PUM1: variants seen among roughly 807,000 people sequenced by gnomAD.
PUM1 encodes pumilio homolog 1.
PUM1 carries 13 observed loss-of-function variants against 131.8 expected under a neutral mutation model. The observed-to-expected ratio is 0.10, with a 90% CI of 0.06 to 0.16. The LOEUF (loss-of-function observed/expected upper bound fraction) is 0.16, where lower values mean the gene tolerates loss of function less well. Ranked by LOEUF, PUM1 falls within the 10% of genes least tolerant of loss-of-function variation. The pLI is 1.00. For missense variants in PUM1, 961 were observed against 1,512.4 expected, an observed-to-expected ratio of 0.64 and a Z score of 6.05; for synonymous variants, 509 against 556.5, an observed-to-expected ratio of 0.91 and a Z score of 1.20.
intron 7 of PUM1, among the ~76,000 whole-genome samples, chr1:30,988,017 A>G (rs1557572135): frequency 6.6e-6 from 1 of 152,210 alleles, no homozygotes; most frequent in Admixed American, 6.5e-5. Context: ...TATATAATTA[A>G]CTTTGTTTTT....
rs193010695 is a variant in PUM1 at position 30,994,686 on chromosome 1, T to C, written c.887+368A>G. On this transcript the variant is annotated intron_variant, in intron 6 of 21. Coordinates refer to ENST00000426105, the MANE Select transcript of PUM1 (RefSeq NM_001020658.2). Reference sequence around the variant, plus strand: ...ACCAGAGGGATATGACATATTCCATTAGTAACCATAGCTCTCTAATACGGT... The same window carrying C: ...ACCAGAGGGATATGACATATTCCATCAGTAACCATAGCTCTCTAATACGGT... Among the ~76,000 whole-genome samples the C allele has an allele frequency of 1.4e-3, 218 of 152,348 alleles. 2 individuals carry two copies. The highest frequency in any genetic ancestry group is 4.9e-3 in the African/African-American group (205 of 41,574).
chr1:30,984,113 T>G (rs1641459317), intron 7 of PUM1, among the ~76,000 whole-genome samples: 1 of 152,202 alleles, frequency 6.6e-6, no homozygotes, highest in Admixed American at 6.5e-5. Flanking sequence ...AGAGACCCCA[T>G]ATAGCCTATG....
At chr1:30,959,436 A>G (rs59795278) in intron 14 of PUM1, among the ~76,000 whole-genome samples, 1 of 152,228 alleles carries the variant, frequency 6.6e-6, no homozygotes, top group Non-Finnish European at 1.5e-5. Context: ...AGTTGGATTA[A>G]TATCTGAAAA....
chr1:30,968,023 C>T (rs957851233), intron 11 of PUM1: 5 of 338,412 alleles, frequency 1.5e-5, no homozygotes, highest in Non-Finnish European at 2.9e-5. Context: ...TCAAAAACAT[C>T]AACATAAAGA....
intron 3 of PUM1, among the ~76,000 whole-genome samples, chr1:31,020,069 T>C (rs1385067872): frequency 6.6e-6 from 1 of 152,182 alleles, no homozygotes; most frequent in Admixed American, 6.5e-5. Flanking sequence ...CCTCCTTCCC[T>C]TTCCCTTTTT....
At chr1:31,059,175 C>A in intron 2 of PUM1, 29 bp downstream of exon 2, 2 of 1,528,388 alleles carry the variant, frequency 1.3e-6, no homozygotes, top group South Asian at 2.6e-5. Flanking sequence ...AAAGGAATGT[C>A]AAAGCTAAAA....
chr1:31,038,984 A>ATATATATATATATATATATTTTT, intron 2 of PUM1, among the ~76,000 whole-genome samples: 6 of 49,418 alleles, frequency 1.2e-4, no homozygotes, highest in African/African-American at 4.2e-4. Flanking sequence ...ATATATATAT[A>ATATATATATATATATATATTTTT]TTTTTTTTTT....
chr1:31,019,172 G>A (rs2124530797), intron 3 of PUM1, among the ~76,000 whole-genome samples: 1 of 152,112 alleles, frequency 6.6e-6, no homozygotes, highest in East Asian at 1.9e-4. Context: ...GGCCAATATG[G>A]TGAAACCCCG....
intron 2 of PUM1, among the ~76,000 whole-genome samples, chr1:31,056,587 C>CT (rs1644242969): frequency 7.1e-6 from 1 of 139,918 alleles, no homozygotes. Flanking sequence ...AGCCTTACAG[C>CT]TGAAAACCTT....
intron 7 of PUM1, among the ~76,000 whole-genome samples, chr1:30,986,494 A>AACTAATGATT (rs893317374): frequency 6.6e-6 from 1 of 152,188 alleles, no homozygotes; most frequent in Non-Finnish European, 1.5e-5. Context: ...TGCAATGATC[A>AACTAATGATT]ACTAATGATT....
intron 2 of PUM1, among the ~76,000 whole-genome samples, chr1:31,043,051 C>G (rs1643870003): frequency 2.0e-5 from 3 of 152,138 alleles, no homozygotes; most frequent in African/African-American, 7.2e-5. Context: ...TCCCTCCTCT[C>G]TTTATGAAAC....
At chr1:31,028,239 T>C (rs1421362494) in intron 3 of PUM1, among the ~76,000 whole-genome samples, 1 of 152,202 alleles carries the variant, frequency 6.6e-6, no homozygotes, top group Non-Finnish European at 1.5e-5. Flanking sequence ...TATTTCTGAA[T>C]TTCCTGTAAT....
At chr1:30,987,367 T>C (rs943528274) in intron 7 of PUM1, among the ~76,000 whole-genome samples, 4 of 152,046 alleles carry the variant, frequency 2.6e-5, no homozygotes, top group African/African-American at 9.7e-5. Flanking sequence ...CGGCTAATTT[T>C]TGTATTTTTA....
At chr1:30,950,730 C>T (rs759670716) in intron 16 of PUM1, among the ~76,000 whole-genome samples, 11 of 152,230 alleles carry the variant, frequency 7.2e-5, no homozygotes, top group South Asian at 2.1e-4. Context: ...CATGGTGGCA[C>T]GCTCCTGTTA....
chr1:31,042,895 T>TC (rs1302615056), intron 2 of PUM1, among the ~76,000 whole-genome samples: 3 of 152,180 alleles, frequency 2.0e-5, no homozygotes, highest in Non-Finnish European at 2.9e-5. Flanking sequence ...AGATGATTTT[T>TC]CTTTTTTTTT....
In PUM1 at chr1:31,033,962, C is replaced by T. The variant is rs527650114; in HGVS notation, c.364-5098G>A. Among the ~76,000 whole-genome samples the T allele has an allele frequency of 4.6e-5, 7 of 152,244 alleles. No individual in the cohort carries two copies. In the South Asian group the frequency reaches 1.5e-3, roughly 32 times the overall value. On this transcript the variant is annotated intron_variant, in intron 2 of 21. Transcript: ENST00000426105. ...GCCATGGAAAATAAATTCAAACAGACTTGGGCACAAAGGAATTCTGAATTG... is the reference window on the plus strand; with the variant it reads ...GCCATGGAAAATAAATTCAAACAGATTTGGGCACAAAGGAATTCTGAATTG...
chr1:30,940,079 A>G (rs1351976523), intron 20 of PUM1, among the ~76,000 whole-genome samples: 1 of 152,200 alleles, frequency 6.6e-6, no homozygotes, highest in African/African-American at 2.4e-5. Context: ...GTCGTAAGAG[A>G]TAACCCTGAT....
intron 2 of PUM1, among the ~76,000 whole-genome samples, chr1:31,051,926 T>G (rs1644118767): frequency 6.6e-6 from 1 of 152,180 alleles, no homozygotes; most frequent in South Asian, 2.1e-4. Context: ...GTCAAAGACT[T>G]GACCTTAGGC....
intron 3 of PUM1, 103 bp from the exon 4 acceptor site, chr1:31,007,205 C>T (rs1642425200): frequency 2.6e-6 from 2 of 782,670 alleles, no homozygotes; most frequent in African/African-American, 1.7e-5. Flanking sequence ...TGCTCACGTG[C>T]CCTGAAGGTC....
Sources: gnomAD v4.1 joint callset for allele counts (sites outside exome capture counted in the v4.1 genomes callset) on GRCh38, gnomAD v4.1.1 for gene constraint, MANE v1.5 for transcripts, NCBI Gene and HGNC (gene_info 2026-07-23, HGNC 2026-07-21) for gene names.